The following MGAT4C variants were observed in gnomAD, a reference collection of about 807,000 sequenced individuals.
The protein encoded by MGAT4C is MGAT4 family member C, also known as alpha-1,3-mannosyl-glycoprotein 4-beta-N-acetylglucosaminyltransferase C.
A neutral mutation model predicts 40.1 loss-of-function variants in MGAT4C; 19 were observed. The observed-to-expected ratio is 0.47, with a 90% CI of 0.33 to 0.70. The LOEUF is 0.70. Ranked by LOEUF, MGAT4C falls within the 30% of genes least tolerant of loss-of-function variation. MGAT4C has a pLI of 0.02. For synonymous variants in MGAT4C, 181 were observed against 187.1 expected (o/e 0.97, Z 0.27); for missense variants, 491 against 563.2 (o/e 0.87, Z 1.30).
intron 1 of MGAT4C, among the ~76,000 whole-genome samples, chr12:86,251,461 G>C (rs17359357): frequency 1.3e-5 from 2 of 151,892 alleles, no homozygotes; most frequent in Non-Finnish European, 2.9e-5. Context: ...ACAAGTGCAC[G>C]CAAACAAAAA....
Position 85,964,397 on chromosome 12 carries a change from T to A in MGAT4C, c.*14892A>T, listed in dbSNP as rs989518032. The A allele has an allele frequency of 6.6e-6, 1 of 152,146 alleles. No homozygotes were observed. The highest frequency in any genetic ancestry group is 2.4e-5 in the African/African-American group (1 of 41,434). The allele number at this position is 152,146 out of a possible 1,614,324, so 9.4% of individuals were successfully genotyped here. ...GGCCACAGAACACATAGAATGTTAG[T>A]TTTGTAGAAAATTTTAGAGATTTTA... On this transcript the variant is annotated 3_prime_UTR_variant, in exon 5 of 5. Transcript: ENST00000611864.
chr12:86,671,728 G>C (rs2136564498), intron 2 of MGAT4C, among the ~76,000 whole-genome samples: 1 of 152,186 alleles, frequency 6.6e-6, no homozygotes, highest in African/African-American at 2.4e-5. Flanking sequence ...AAATTATTAA[G>C]TGGAGAACTC....
intron 1 of MGAT4C, among the ~76,000 whole-genome samples, chr12:86,181,912 A>T (rs996619195): frequency 2.0e-5 from 3 of 152,154 alleles, no homozygotes; most frequent in South Asian, 2.1e-4. Flanking sequence ...ATATTATTTT[A>T]TATCAGTTAT....
intron 3 of MGAT4C, among the ~76,000 whole-genome samples, chr12:86,359,841 A>C (rs539578653): frequency 6.6e-6 from 1 of 152,182 alleles, no homozygotes; most frequent in South Asian, 2.1e-4. Context: ...ATAATTAATC[A>C]CCTACCAACC....
At position 86,367,185 on chromosome 12, in the gene MGAT4C, C is replaced by T. The variant is rs376634343; in HGVS notation, c.-119-33058G>A. Among the ~76,000 whole-genome samples the T allele has an allele frequency of 2.0e-5, 3 of 151,782 alleles. No individual in the cohort carries two copies. The South Asian group carries it at 6.2e-4, about 31-fold the overall frequency. On this transcript the variant is annotated intron_variant, in intron 3 of 7. Coordinates refer to the MGAT4C transcript ENST00000548651. ...AAGGAAATCACTTCTGTCCTAACTA[C>T]AAGCAGAAAGGGCAGATAGTAAAAC...
chr12:86,510,682 G>T (rs1015459992), intron 2 of MGAT4C, among the ~76,000 whole-genome samples: 13 of 152,050 alleles, frequency 8.5e-5, no homozygotes, highest in Non-Finnish European at 1.6e-4. Flanking sequence ...AAAGGCAGGG[G>T]TTGCAATCCT....
At chr12:86,810,165 A>T (rs574148121) in intron 1 of MGAT4C, among the ~76,000 whole-genome samples, 88 of 151,804 alleles carry the variant, frequency 5.8e-4, no homozygotes, top group Non-Finnish European at 1.0e-3. Context: ...CTGCATTTTC[A>T]TTTTTTTATA....
At chr12:86,642,378 GGT>G (rs935482254) in intron 2 of MGAT4C, among the ~76,000 whole-genome samples, 3 of 151,654 alleles carry the variant, frequency 2.0e-5, no homozygotes, top group African/African-American at 7.3e-5. Flanking sequence ...TACAGGAGAG[GGT>G]TAGAACAAGT....
At chr12:86,343,522 T>G (rs1954946653) in intron 3 of MGAT4C, among the ~76,000 whole-genome samples, 1 of 152,232 alleles carries the variant, frequency 6.6e-6, no homozygotes, top group Non-Finnish European at 1.5e-5. Context: ...ATATTTTCCT[T>G]TAAGCCTATT....
In MGAT4C at chr12:86,564,293, C is replaced by CT. The variant is rs774461834; in HGVS notation, c.-228-129029dup. 7.2e-3 allele frequency among the ~76,000 whole-genome samples: 1,057 copies of CT among 147,690 alleles called. 5 individuals carry two copies. The highest frequency in any genetic ancestry group is 9.6e-3 in the Non-Finnish European group (636 of 66,594). On this transcript the variant is annotated intron_variant, in intron 2 of 7. Coordinates refer to the MGAT4C transcript ENST00000548651. ...ATGCAACCATTGATTTGGCAAATCC[C>CT]TTTTTTTTTTTCTATTCCTGTCTAT...
At chr12:86,424,960 G>A (rs1320444313) in intron 3 of MGAT4C, among the ~76,000 whole-genome samples, 2 of 152,058 alleles carry the variant, frequency 1.3e-5, no homozygotes, top group African/African-American at 4.8e-5. Flanking sequence ...GTTTCACCGT[G>A]TTAGCCAGGA....
chr12:86,215,408 C>T (rs1593257151), intron 1 of MGAT4C, among the ~76,000 whole-genome samples: 2 of 152,272 alleles, frequency 1.3e-5, no homozygotes, highest in East Asian at 3.9e-4. Context: ...GCTGCCCCCA[C>T]ACATAGCAAA....
At chr12:86,509,394 A>T (rs1260721515) in intron 2 of MGAT4C, among the ~76,000 whole-genome samples, 1 of 152,008 alleles carries the variant, frequency 6.6e-6, no homozygotes, top group Admixed American at 6.6e-5. Context: ...TATTTCTGAG[A>T]GCTCTGTTCT....
chr12:86,609,616 A>C (rs988349151), intron 2 of MGAT4C, among the ~76,000 whole-genome samples: 5 of 152,132 alleles, frequency 3.3e-5, no homozygotes, highest in Admixed American at 6.6e-5. Flanking sequence ...TGGGCTAAAA[A>C]TATTATGTTA....
chr12:86,376,183 C>T (rs1955817915), intron 3 of MGAT4C, among the ~76,000 whole-genome samples: 1 of 133,654 alleles, frequency 7.5e-6, no homozygotes, highest in Admixed American at 8.6e-5. Flanking sequence ...TCCAGGAGTT[C>T]AAGCCAGCCT....
intron 1 of MGAT4C, among the ~76,000 whole-genome samples, chr12:86,064,758 A>G (rs1894360538): frequency 6.6e-6 from 1 of 152,188 alleles, no homozygotes. Flanking sequence ...CCCTTCAAAA[A>G]ATCAATAAAT....
chr12:86,552,448 G>T (rs1190195336), intron 2 of MGAT4C, among the ~76,000 whole-genome samples: 1 of 152,012 alleles, frequency 6.6e-6, no homozygotes, highest in Non-Finnish European at 1.5e-5. Flanking sequence ...ATAAGTTCTA[G>T]TGTTCTATGC....
intron 1 of MGAT4C, among the ~76,000 whole-genome samples, chr12:86,769,113 T>C: frequency 6.6e-6 from 1 of 152,128 alleles, no homozygotes; most frequent in Non-Finnish European, 1.5e-5. Flanking sequence ...TTCTGCAACC[T>C]ACCTATCTGA....
chr12:86,754,172 T>A (rs1344107197), intron 1 of MGAT4C, among the ~76,000 whole-genome samples: 1 of 152,160 alleles, frequency 6.6e-6, no homozygotes, highest in Non-Finnish European at 1.5e-5. Context: ...ATATAATGGA[T>A]CCTTGTTATA....
Sources: allele counts gnomAD v4.1 joint callset (sites outside exome capture counted in the v4.1 genomes callset), GRCh38; gene constraint gnomAD v4.1.1; transcripts MANE v1.5; gene names NCBI Gene and HGNC (gene_info 2026-07-23, HGNC 2026-07-21).